PVT1: variants seen among roughly 807,000 people sequenced by gnomAD.
PVT1 encodes the protein CXCR4/PVT1 fusion.
chr8:127,880,249 ACTGT>A (rs1451808657), intron 2 of PVT1, among the ~76,000 whole-genome samples: 1 of 152,148 alleles, frequency 6.6e-6, no homozygotes, highest in Non-Finnish European at 1.5e-5. Flanking sequence ...GCACGTGAAC[ACTGT>A]CTGTGTAGCT....
chr8:127,917,983 T>C (rs951405819), intron 3 of PVT1, among the ~76,000 whole-genome samples: 3 of 152,248 alleles, frequency 2.0e-5, no homozygotes, highest in Non-Finnish European at 4.4e-5. Context: ...ATAAGCAGCC[T>C]CTGCTTGCCC....
chr8:127,876,193 A>C (rs974423234), intron 2 of PVT1, among the ~76,000 whole-genome samples: 7 of 152,060 alleles, frequency 4.6e-5, no homozygotes, highest in African/African-American at 1.7e-4. Context: ...CAGTACTGTG[A>C]CTTGCACCAT....
chr8:127,800,514 A>G (rs1349382076), intron 2 of PVT1, among the ~76,000 whole-genome samples: 1 of 152,182 alleles, frequency 6.6e-6, no homozygotes, highest in Admixed American at 6.5e-5. Context: ...GCTCCCACAC[A>G]TAGTAGTTAC....
At chr8:127,953,948 G>T (rs1286485078) in intron 3 of PVT1, among the ~76,000 whole-genome samples, 1 of 152,180 alleles carries the variant, frequency 6.6e-6, no homozygotes, top group African/African-American at 2.4e-5. Context: ...GTCTAGGCAG[G>T]TTGGCTCCAG....
chr8:128,006,562 C>T (rs1030252843), intron 4 of PVT1, among the ~76,000 whole-genome samples: 15 of 152,102 alleles, frequency 9.9e-5, no homozygotes, highest in Admixed American at 9.8e-4. Context: ...TCTTGTTTCT[C>T]ATCACACTTT....
intron 2 of PVT1, among the ~76,000 whole-genome samples, chr8:127,883,938 G>A (rs533973643): frequency 6.6e-6 from 1 of 152,342 alleles, no homozygotes; most frequent in African/African-American, 2.4e-5. Context: ...CCTTGAAGGG[G>A]TGTTCTGATG....
chr8:127,872,437 G>A (rs1815361062), intron 2 of PVT1, among the ~76,000 whole-genome samples: 1 of 152,018 alleles, frequency 6.6e-6, no homozygotes, highest in Non-Finnish European at 1.5e-5. Flanking sequence ...GTAAATAAGA[G>A]TTTAATTGGA....
chr8:127,795,102 C>T (rs996239165), intron 1 of PVT1, among the ~76,000 whole-genome samples: 7 of 152,168 alleles, frequency 4.6e-5, no homozygotes, highest in African/African-American at 1.7e-4. Flanking sequence ...GTGTGATCCT[C>T]CCTCCATCCT....
intron 2 of PVT1, among the ~76,000 whole-genome samples, chr8:127,847,971 A>G (rs1427058251): frequency 6.6e-6 from 1 of 152,066 alleles, no homozygotes; most frequent in Admixed American, 6.6e-5. Flanking sequence ...TGGTGTGATC[A>G]TAGCTTGCTG....
At chr8:127,963,644 A>T (rs963192552) in intron 3 of PVT1, among the ~76,000 whole-genome samples, 12 of 151,394 alleles carry the variant, frequency 7.9e-5, no homozygotes, top group Non-Finnish European at 4.4e-5. Context: ...CTCCACTCTG[A>T]CTTCTGGGCC....
intron 2 of PVT1, among the ~76,000 whole-genome samples, chr8:127,816,491 A>C (rs1426874496): frequency 1.3e-5 from 2 of 151,416 alleles, no homozygotes; most frequent in Non-Finnish European, 2.9e-5. Flanking sequence ...CATGGATGAA[A>C]AAAAAAAAAC....
At chr8:127,853,044 T>A (rs1349507921) in intron 2 of PVT1, among the ~76,000 whole-genome samples, 1 of 152,160 alleles carries the variant, frequency 6.6e-6, no homozygotes, top group Non-Finnish European at 1.5e-5. Flanking sequence ...CCAGCTGGCA[T>A]AAGTTTATCG....
intron 2 of PVT1, among the ~76,000 whole-genome samples, chr8:127,829,356 T>C (rs1814826098): frequency 6.6e-6 from 1 of 152,200 alleles, no homozygotes; most frequent in South Asian, 2.1e-4. Flanking sequence ...GATGGGGTGG[T>C]CCTGTACATG....
At chr8:127,922,876 A>G (rs758382611) in intron 3 of PVT1, among the ~76,000 whole-genome samples, 1 of 152,208 alleles carries the variant, frequency 6.6e-6, no homozygotes, top group Non-Finnish European at 1.5e-5. Flanking sequence ...ATCCCTGTGC[A>G]TTAGCCACTT....
At chr8:127,886,235 C>G (rs1390525940) in intron 2 of PVT1, among the ~76,000 whole-genome samples, 1 of 152,144 alleles carries the variant, frequency 6.6e-6, no homozygotes, top group African/African-American at 2.4e-5. Context: ...TTCTCTGGCT[C>G]TTTTCATGAC....
intron 3 of PVT1, among the ~76,000 whole-genome samples, chr8:127,965,977 G>A (rs1816699244): frequency 6.6e-6 from 1 of 152,210 alleles, no homozygotes; most frequent in Non-Finnish European, 1.5e-5. Flanking sequence ...ACCAGTGAAA[G>A]AGAATGTCAC....
intron 4 of PVT1, among the ~76,000 whole-genome samples, chr8:128,002,958 C>CCTCA (rs1817198330): frequency 1.9e-5 from 1 of 51,474 alleles, no homozygotes; most frequent in African/African-American, 6.1e-5. Context: ...TGCCTCCCTC[C>CCTCA]CTCCCTCCCT....
rs970166611 is a variant in PVT1 at position 127,832,657 on chromosome 8, G to A, written n.372+36586G>A. 3.9e-5 allele frequency among the ~76,000 whole-genome samples: 6 copies of A among 152,338 alleles called. No homozygotes were observed. The East Asian group carries it at 7.7e-4, about 20-fold the overall frequency. On this transcript the variant is annotated intron_variant and non_coding_transcript_variant, in intron 2 of 10. Transcript: ENST00000651587. ...GCGGATCACGAGGTCAGGAGATAGA[G>A]ACCATCCTGGCTAACATGGTGAAAC...
At position 128,015,799 on chromosome 8, in the gene PVT1, A is replaced by G. The variant is rs1337375137; in HGVS notation, n.912+26508A>G. Among the ~76,000 whole-genome samples, 4 of 110,962 alleles carry G rather than the reference A, an allele frequency of 3.6e-5. No homozygotes were observed. In the East Asian group the frequency reaches 1.1e-3, roughly 31 times the overall value. 72.8% of individuals were successfully genotyped at this position (110,962 alleles called of 152,430 possible). On this transcript the variant is annotated intron_variant and non_coding_transcript_variant, in intron 4 of 10. Transcript: ENST00000651587. The stretch of plus-strand genomic sequence containing the variant: ...AAAAAAAAAAAAAAAAAGGTTTGAG[A>G]AGGGTTTTCCTGGTCATTAGGTGGC...
Sources: allele counts gnomAD v4.1 joint callset (sites outside exome capture counted in the v4.1 genomes callset), GRCh38; gene constraint gnomAD v4.1.1; transcripts MANE v1.5; gene names NCBI Gene and HGNC (gene_info 2026-07-23, HGNC 2026-07-21).